FNDC5: variants seen among roughly 807,000 people sequenced by gnomAD.
The protein encoded by FNDC5 is fibronectin type III domain containing 5.
Under a neutral mutation model 24.6 loss-of-function variants are expected in FNDC5, and 10 were observed. The observed-to-expected ratio is 0.41, with a 90% CI of 0.25 to 0.69. The LOEUF is 0.69. FNDC5 is among the 30% of genes least tolerant of loss of function. The pLI is 0.34. For synonymous variants in FNDC5, 90 were observed against 110.7 expected, an observed-to-expected ratio of 0.81 and a Z score of 1.18; for missense variants, 226 against 282.9, an observed-to-expected ratio of 0.80 and a Z score of 1.44.
chr1:32,871,958 G>T (rs1049534017), upstream of FNDC5, among the ~76,000 whole-genome samples: 1 of 152,130 alleles, frequency 6.6e-6, no homozygotes, highest in Non-Finnish European at 1.5e-5. Context: ...CCCCTCCCAC[G>T]ACTATCCGAA....
At chr1:32,866,170 CTA>C (rs915334208) in intron 4 of FNDC5, among the ~76,000 whole-genome samples, 63 of 152,286 alleles carry the variant, frequency 4.1e-4, no homozygotes, top group African/African-American at 1.5e-3. Flanking sequence ...GGTTAATTCG[CTA>C]TGTTTATATT....
intron 1 of FNDC5, 110 bp from the exon 2 acceptor site, chr1:32,869,107 G>A (rs1641129292): frequency 2.0e-6 from 1 of 511,402 alleles, no homozygotes; most frequent in Non-Finnish European, 3.0e-6. Flanking sequence ...AGGAGGGGAA[G>A]GAAGAAACTA....
chr1:32,869,899 G>GGGGGCT (rs1156475627), intron 1 of FNDC5, among the ~76,000 whole-genome samples: 1 of 152,084 alleles, frequency 6.6e-6, no homozygotes, highest in African/African-American at 2.4e-5. Flanking sequence ...TTGAGACCCA[G>GGGGGCT]GGGGCTGGGC....
chr1:32,868,079 G>C lies in FNDC5; in HGVS notation c.409+111C>G. 7.6e-7 allele frequency: 1 copy of C among 1,311,020 alleles called. No individual in the cohort carries two copies. Among genetic ancestry groups the C allele is most frequent in the Non-Finnish European group, 1.1e-6 (1 of 933,676 alleles). The allele number at this position is 1,311,020 out of a possible 1,614,324, so 81.2% of individuals were successfully genotyped here. On this transcript the variant is annotated intron_variant, in intron 3 of 5. Coordinates refer to ENST00000373471, the MANE Select transcript of FNDC5 (RefSeq NM_153756.3). The surrounding 1 kb of genome is among the most constrained non-coding windows in gnomAD (Gnocchi z 4.8). ...CCCTCTCTCAGGTACTGCTTTACTT[G>C]CCAGCAGGGGATAAGGGGGAGGAGA...
chr1:32,863,398 T>G lies in FNDC5; in HGVS notation c.*896A>C, dbSNP rs1641000239. 1.3e-5 allele frequency: 3 copies of G among 231,900 alleles called. No individual in the cohort carries two copies. The South Asian group carries it at 1.9e-4, about 15-fold the overall frequency. 14.4% of individuals were successfully genotyped at this position (231,900 alleles called of 1,614,324 possible). On this transcript the variant is annotated 3_prime_UTR_variant, in exon 6 of 6. Transcript: ENST00000373471. ...TGTTCCTTGGTCTGAAAGACACAGC[T>G]TGAGTCAGTCCTTGTGCTTGTCATC... is the stretch of plus-strand genomic sequence containing the variant.
rs1293656577 is a variant in FNDC5, at chr1:32,868,299, C to A, written c.300G>T (p.Glu100Asp). The A allele has an allele frequency of 6.2e-7, 1 of 1,614,082 alleles. No homozygotes were observed. The highest frequency in any genetic ancestry group is 1.3e-5 in the African/African-American group (1 of 74,926). Residue 100 changes from glutamate (E) to aspartate (D), a missense_variant, in exon 3 of 6, where the codon GAG (glutamate) becomes GAT (aspartate). Glu to Asp is a conservative substitution (Grantham distance 45, BLOSUM62 2). Coordinates refer to ENST00000373471, the MANE Select transcript of FNDC5 (RefSeq NM_153756.3). This position sits in a 1 kb window ranked among gnomAD's most constrained non-coding sequence, Gnocchi z 4.8. ...AGATGGCCTGCACGTGGACTATGTACTCCGTATCCTCCTCCAGGTCCCAGA... is the reference window on the plus strand; with the variant it reads ...AGATGGCCTGCACGTGGACTATGTAATCCGTATCCTCCTCCAGGTCCCAGA...
At chr1:32,867,444 C>T (rs1297368772) in intron 4 of FNDC5, among the ~76,000 whole-genome samples, 1 of 152,140 alleles carries the variant, frequency 6.6e-6, no homozygotes, top group Admixed American at 6.5e-5. Flanking sequence ...AGGCTGTGGC[C>T]ATGACCAGAG....
rs775706100 is a variant in FNDC5, at chr1:32,868,396, C to G, written c.211-8G>C. 12 of 1,612,184 alleles carry G rather than the reference C, an allele frequency of 7.4e-6. No individual in the cohort carries two copies. In the East Asian group the frequency reaches 2.7e-4, roughly 36 times the overall value. ...CATCCGCACATCCTTCTTCTGCAGACAAGCGCCGGTCACTGCTGTCAACAC... is the reference window on the plus strand; with the variant it reads ...CATCCGCACATCCTTCTTCTGCAGAGAAGCGCCGGTCACTGCTGTCAACAC... On this transcript the variant is annotated splice_region_variant and splice_polypyrimidine_tract_variant and intron_variant, in intron 2 of 5. Transcript: ENST00000373471. This position sits in a 1 kb window ranked among gnomAD's most constrained non-coding sequence, Gnocchi z 4.8.
intron 1 of FNDC5, among the ~76,000 whole-genome samples, chr1:32,869,234 C>A (rs922587323): frequency 6.6e-6 from 1 of 152,216 alleles, no homozygotes; most frequent in African/African-American, 2.4e-5. Flanking sequence ...GGCCACAGGC[C>A]GGCCCCATGA....
chr1:32,870,161 C>T (rs1641151378), intron 1 of FNDC5, among the ~76,000 whole-genome samples: 1 of 152,082 alleles, frequency 6.6e-6, no homozygotes, highest in South Asian at 2.1e-4. Flanking sequence ...AGACACTGTA[C>T]CAGATCAGGG....
At chr1:32,871,763 ACT>A (rs770105378), upstream of FNDC5, among the ~76,000 whole-genome samples, 5 of 151,956 alleles carry the variant, frequency 3.3e-5, no homozygotes, top group Non-Finnish European at 7.4e-5. Context: ...GATTCGTGAG[ACT>A]CTAGAATTGG....
chr1:32,864,390 C>G, intron 5 of FNDC5, 91 bp from the exon 6 acceptor site: 7 of 1,578,528 alleles, frequency 4.4e-6, no homozygotes, highest in Non-Finnish European at 6.0e-6. Flanking sequence ...GCCAGACACC[C>G]CACTCCTATT....
At position 32,863,622 on chromosome 1, in the gene FNDC5, A is replaced by ACTGTGCAGCTAG; in HGVS notation, c.*660_*671dup. Reference sequence around the variant, plus strand: ...CTGACTAGGACAAGGAGAAGAGAGAACTGTGCAGCTAGCTGTGCCTCCTCC... The same window carrying ACTGTGCAGCTAG: ...CTGACTAGGACAAGGAGAAGAGAGAACTGTGCAGCTAGCTGTGCAGCTAGCTGTGCCTCCTCC... On this transcript the variant is annotated 3_prime_UTR_variant, in exon 6 of 6. Transcript: ENST00000373471. 9.8e-7 allele frequency: 1 copy of ACTGTGCAGCTAG among 1,024,088 alleles called. No homozygotes were observed. Among genetic ancestry groups the ACTGTGCAGCTAG allele is most frequent in the Middle Eastern group, 3.1e-4 (1 of 3,230 alleles). The allele number at this position is 1,024,088 out of a possible 1,614,324, so 63.4% of individuals were successfully genotyped here. A position where few individuals can be genotyped will look rare whatever the true frequency, so the allele number is the denominator to read the frequency against.
At position 32,863,787 on chromosome 1, in the gene FNDC5, A is replaced by G. The variant is rs1279416345; in HGVS notation, c.*507T>C. ...GGGCTTGTTTGGAAACTGGGAGGAA[A>G]AAAATGAGAGAAGCAGCCAGGCCTA... On this transcript the variant is annotated 3_prime_UTR_variant, in exon 6 of 6. Transcript: ENST00000373471. 7.7e-7 allele frequency: 1 copy of G among 1,304,564 alleles called. No individual in the cohort carries two copies. Among genetic ancestry groups the G allele is most frequent in the Non-Finnish European group, 1.0e-6 (1 of 989,112 alleles). The allele number at this position is 1,304,564 out of a possible 1,614,324, so 80.8% of individuals were successfully genotyped here.
rs1391242581 is a variant in FNDC5 at position 32,863,466 on chromosome 1, G to C, written c.*828C>G. 1 of 321,162 alleles carries C rather than the reference G, an allele frequency of 3.1e-6. No individual in the cohort carries two copies. The highest frequency in any genetic ancestry group is 2.7e-5 in the South Asian group (1 of 36,556). 19.9% of individuals were successfully genotyped at this position (321,162 alleles called of 1,614,324 possible). ...TTTTCTCAAAGAGGAAGCCAGTCCA[G>C]GAGAGGCGAGGAGGCAGAAGGCTGT... is the stretch of plus-strand genomic sequence containing the variant. On this transcript the variant is annotated 3_prime_UTR_variant, in exon 6 of 6. Coordinates refer to ENST00000373471, the MANE Select transcript of FNDC5 (RefSeq NM_153756.3).
At position 32,867,744 on chromosome 1, in the gene FNDC5, C is replaced by T; in HGVS notation, c.499+9G>A. On this transcript the variant is annotated intron_variant, in intron 4 of 5. Transcript: ENST00000373471. ...GAGGGAAGAAGAAGGTCTCGGAGGC[C>T]AGACTCACCTGCCCACATGAACAGG... The T allele has an allele frequency of 1.2e-6, 2 of 1,612,890 alleles. No homozygotes were observed. Among genetic ancestry groups the T allele is most frequent in the South Asian group, 2.2e-5 (2 of 91,034 alleles).
At chr1:32,866,665 C>G (rs1486676325) in intron 4 of FNDC5, among the ~76,000 whole-genome samples, 1 of 151,580 alleles carries the variant, frequency 6.6e-6, no homozygotes, top group Admixed American at 6.6e-5. Context: ...TATCATAGCA[C>G]TCATCACACT....
In FNDC5 at chr1:32,868,770, C is replaced by A. The variant is rs978503812; in HGVS notation, c.210+112G>T. On this transcript the variant is annotated intron_variant, in intron 2 of 5. Transcript: ENST00000373471. This position sits in a 1 kb window ranked among gnomAD's most constrained non-coding sequence, Gnocchi z 4.8. Reference sequence around the variant, plus strand: ...AAATTGCTGTTCATCTCCCTTGCCCCAAGTTCCTATTTCCTTTCTATTTCT... The same window carrying A: ...AAATTGCTGTTCATCTCCCTTGCCCAAAGTTCCTATTTCCTTTCTATTTCT... 3.2e-5 allele frequency: 25 copies of A among 785,280 alleles called. No individual in the cohort carries two copies. The highest frequency in any genetic ancestry group is 3.9e-5 in the Non-Finnish European group (22 of 563,680). 48.6% of individuals were successfully genotyped at this position (785,280 alleles called of 1,614,324 possible). A position where few individuals can be genotyped will look rare whatever the true frequency, so the allele number is the denominator to read the frequency against.
At chr1:32,869,080 CCT>C in intron 1 of FNDC5, 83 bp from the exon 2 acceptor site, 6 of 765,482 alleles carry the variant, frequency 7.8e-6, no homozygotes, top group Non-Finnish European at 1.1e-5. Flanking sequence ...GAAGGGGAAA[CCT>C]GGGGAAGGCC....
Sources: allele counts gnomAD v4.1 joint callset (sites outside exome capture counted in the v4.1 genomes callset), GRCh38; gene constraint gnomAD v4.1.1; non-coding constraint Gnocchi (gnomAD v3.1); transcripts MANE v1.5; gene names NCBI Gene and HGNC (gene_info 2026-07-23, HGNC 2026-07-21).